GMDS: variants seen among roughly 807,000 people sequenced by gnomAD.
GMDS encodes the protein GDP-mannose 4,6 dehydratase.
GMDS carries 20 observed loss-of-function variants against 49.9 expected under a neutral mutation model. The ratio of observed to expected loss-of-function variants is 0.40; its 90% CI spans 0.28 to 0.58. The LOEUF is 0.58. GMDS is among the 20% of genes least tolerant of loss of function. The pLI is 0.42. For missense variants in GMDS, 362 were observed against 481.4 expected (o/e 0.75, Z 2.32); for synonymous variants, 177 against 178.6 (o/e 0.99, Z 0.07).
intron 2 of GMDS, among the ~76,000 whole-genome samples, chr6:2,117,915 C>T (rs1033833773): frequency 2.0e-5 from 3 of 152,172 alleles, no homozygotes; most frequent in Non-Finnish European, 4.4e-5. Flanking sequence ...GAGGCCGTGT[C>T]GGTAAAACAG....
At chr6:1,685,308 G>A (rs934520684) in intron 9 of GMDS, among the ~76,000 whole-genome samples, 1 of 152,036 alleles carries the variant, frequency 6.6e-6, no homozygotes, top group Non-Finnish European at 1.5e-5. Context: ...GGCTGAGGCC[G>A]GAGCCGAGAT....
chr6:1,751,576 C>T (rs1767734853), intron 7 of GMDS, among the ~76,000 whole-genome samples: 1 of 152,238 alleles, frequency 6.6e-6, no homozygotes, highest in Non-Finnish European at 1.5e-5. Flanking sequence ...TCACTGCAAC[C>T]TCCGCCTCCC....
chr6:1,951,404 G>A (rs920521799), intron 6 of GMDS, among the ~76,000 whole-genome samples: 3 of 152,134 alleles, frequency 2.0e-5, no homozygotes, highest in African/African-American at 7.2e-5. Flanking sequence ...GATTTCTTAT[G>A]AAGCCCATAT....
rs1268839598 is a variant in GMDS at position 1,640,919 on chromosome 6, AGGG to A, written c.988-16382_988-16380del. Among the ~76,000 whole-genome samples, 1 of 152,194 alleles carries A rather than the reference AGGG, an allele frequency of 6.6e-6. No individual in the cohort carries two copies. The highest frequency in any genetic ancestry group is 1.9e-4 in the East Asian group (1 of 5,196). On this transcript the variant is annotated intron_variant, in intron 9 of 10. Transcript: ENST00000380815. This position sits in a 1 kb window ranked among gnomAD's most constrained non-coding sequence, Gnocchi z 4.0. ...TGAGGTGGAGGGAGCAGGCTGGGCTAGGGCCCTGAAGGGCCGGCTGGTTAGAAA... is the reference window on the plus strand; with the variant it reads ...TGAGGTGGAGGGAGCAGGCTGGGCTACCCTGAAGGGCCGGCTGGTTAGAAA...
chr6:1,880,968 T>C (rs1370539629), intron 7 of GMDS, among the ~76,000 whole-genome samples: 3 of 152,082 alleles, frequency 2.0e-5, no homozygotes, highest in Non-Finnish European at 2.9e-5. Context: ...AATATTAAAG[T>C]AGAAATCCAG....
chr6:2,062,442 T>A lies in GMDS; in HGVS notation c.345+53329A>T, dbSNP rs777382455. On this transcript the variant is annotated intron_variant, in intron 4 of 10. Coordinates refer to ENST00000380815, the MANE Select transcript of GMDS (RefSeq NM_001500.4). ...ACAAAAACTAGGAAGAGGGATCCCA[T>A]ACACTTAAGATCACTGGGACTGACG... 1.6e-3 allele frequency among the ~76,000 whole-genome samples: 250 copies of A among 152,272 alleles called. 1 individual carries two copies. Among genetic ancestry groups the A allele is most frequent in the Non-Finnish European group, 3.2e-3 (215 of 68,020 alleles).
At chr6:2,061,587 T>A (rs1484562645) in intron 4 of GMDS, among the ~76,000 whole-genome samples, 2 of 151,866 alleles carry the variant, frequency 1.3e-5, no homozygotes, top group Admixed American at 1.3e-4. Flanking sequence ...GGCATGGTGG[T>A]GCACGCTTGT....
chr6:1,839,198 C>T (rs1023718330), intron 7 of GMDS, among the ~76,000 whole-genome samples: 4 of 151,944 alleles, frequency 2.6e-5, no homozygotes, highest in East Asian at 1.9e-4. Flanking sequence ...TGATTTGCTC[C>T]GCAACAGCCA....
intron 1 of GMDS, among the ~76,000 whole-genome samples, chr6:2,202,865 G>A (rs1329991333): frequency 1.3e-5 from 2 of 152,174 alleles, no homozygotes; most frequent in Non-Finnish European, 2.9e-5. Flanking sequence ...TCCAGATTGT[G>A]AGCTTGGTCC....
At chr6:1,733,698 T>C (rs747568139) in intron 8 of GMDS, among the ~76,000 whole-genome samples, 2 of 152,022 alleles carry the variant, frequency 1.3e-5, no homozygotes, top group Non-Finnish European at 2.9e-5. Flanking sequence ...GCACCTATTG[T>C]CCCAGCTGGG....
chr6:1,698,811 G>A (rs1281537363), intron 9 of GMDS, among the ~76,000 whole-genome samples: 2 of 149,048 alleles, frequency 1.3e-5, no homozygotes, highest in African/African-American at 5.0e-5. Context: ...TTTTTGGTGG[G>A]GGCACATATT....
intron 7 of GMDS, among the ~76,000 whole-genome samples, chr6:1,869,456 T>C (rs1158028141): frequency 6.6e-6 from 1 of 152,156 alleles, no homozygotes; most frequent in African/African-American, 2.4e-5. Flanking sequence ...CATGGGGTCA[T>C]TCTTTCAACA....
At chr6:1,816,401 T>C (rs897533242) in intron 7 of GMDS, among the ~76,000 whole-genome samples, 2 of 152,180 alleles carry the variant, frequency 1.3e-5, no homozygotes, top group South Asian at 4.1e-4. Flanking sequence ...ATGACTGGAT[T>C]CCAATTTTGT....
intron 4 of GMDS, among the ~76,000 whole-genome samples, chr6:2,014,516 T>G (rs940187954): frequency 1.4e-4 from 22 of 152,074 alleles, no homozygotes; most frequent in African/African-American, 4.8e-4. Flanking sequence ...TGAATTTAAA[T>G]TAGCTACTAA....
At chr6:2,072,427 A>G (rs966276933) in intron 4 of GMDS, among the ~76,000 whole-genome samples, 4 of 152,232 alleles carry the variant, frequency 2.6e-5, no homozygotes, top group African/African-American at 9.6e-5. Context: ...AAAACTGATC[A>G]AACATGGATT....
intron 1 of GMDS, among the ~76,000 whole-genome samples, chr6:2,244,395 C>A (rs1367007635): frequency 6.6e-6 from 1 of 152,166 alleles, no homozygotes; most frequent in African/African-American, 2.4e-5. Flanking sequence ...GCCATTATCA[C>A]CTTTATCTCA....
chr6:1,736,396 T>C (rs2113469209), intron 8 of GMDS, among the ~76,000 whole-genome samples: 1 of 152,234 alleles, frequency 6.6e-6, no homozygotes, highest in African/African-American at 2.4e-5. Context: ...ACTTGAAGCT[T>C]ATATGAAAAG....
At chr6:2,078,574 T>C (rs554065739) in intron 4 of GMDS, among the ~76,000 whole-genome samples, 2 of 152,238 alleles carry the variant, frequency 1.3e-5, no homozygotes, top group South Asian at 4.1e-4. Context: ...CCGTATAGTT[T>C]CCAAAGATCC....
At chr6:2,084,151 T>C (rs1445126424) in intron 4 of GMDS, among the ~76,000 whole-genome samples, 1 of 152,194 alleles carries the variant, frequency 6.6e-6, no homozygotes, top group African/African-American at 2.4e-5. Flanking sequence ...TTACAATTGA[T>C]TACATAAAAC....
Sources: allele counts gnomAD v4.1 joint callset (sites outside exome capture counted in the v4.1 genomes callset), GRCh38; gene constraint gnomAD v4.1.1; non-coding constraint Gnocchi (gnomAD v3.1); transcripts MANE v1.5; gene names NCBI Gene and HGNC (gene_info 2026-07-23, HGNC 2026-07-21).